Variants in AKT3 observed in about 807,000 individuals in gnomAD.
AKT3 encodes RAC-gamma serine/threonine-protein kinase.
Under a neutral mutation model 65.3 loss-of-function variants are expected in AKT3, and 15 were observed. That is an observed-to-expected ratio of 0.23 (90% CI 0.15 to 0.35). AKT3 has a LOEUF of 0.35. Among genes scored for constraint, AKT3 ranks in the 10% least tolerant of loss-of-function variants. AKT3 has a pLI of 1.00. For synonymous variants in AKT3, 206 were observed against 183.8 expected, an observed-to-expected ratio of 1.12 and a Z score of -0.98; for missense variants, 243 against 576.5, an observed-to-expected ratio of 0.42 and a Z score of 5.92.
At chr1:243,617,698 T>C (rs995641120) in intron 6 of AKT3, among the ~76,000 whole-genome samples, 1 of 151,962 alleles carries the variant, frequency 6.6e-6, no homozygotes, top group African/African-American at 2.4e-5. Flanking sequence ...GAGAAAGTGA[T>C]GGGGTGGGGG....
At position 243,542,546 on chromosome 1, in the gene AKT3, A is replaced by C. The variant is rs1335854519; in HGVS notation, c.1251+2964T>G. ...CCAATAATTATGTGATAATAAATTA[A>C]GAATAAATTTATCAAAACAATAAAA... On this transcript the variant is annotated intron_variant, in intron 12 of 13. Transcript: ENST00000673466. 3.9e-5 allele frequency among the ~76,000 whole-genome samples: 6 copies of C among 152,248 alleles called. No homozygotes were observed. In the East Asian group the frequency reaches 9.6e-4, roughly 24 times the overall value.
chr1:243,515,045 T>A (rs1256632735), intron 12 of AKT3, among the ~76,000 whole-genome samples: 1 of 152,234 alleles, frequency 6.6e-6, no homozygotes. Context: ...TGCAAATGGA[T>A]CATAGAGTAT....
chr1:243,602,100 A>C (rs1677050709), intron 8 of AKT3, among the ~76,000 whole-genome samples: 1 of 152,240 alleles, frequency 6.6e-6, no homozygotes, highest in African/African-American at 2.4e-5. Flanking sequence ...ATTTGTAAGC[A>C]AGCATGTTAC....
At chr1:243,724,525 T>G (rs1558755709) in intron 2 of AKT3, among the ~76,000 whole-genome samples, 1 of 152,158 alleles carries the variant, frequency 6.6e-6, no homozygotes, top group Non-Finnish European at 1.5e-5. Context: ...ATCTTAATGT[T>G]TATTTATTTC....
intron 12 of AKT3, among the ~76,000 whole-genome samples, chr1:243,514,834 A>C (rs1670248632): frequency 6.6e-6 from 1 of 152,180 alleles, no homozygotes; most frequent in South Asian, 2.1e-4. Context: ...CTCTCAAAAA[A>C]ACAAACAAAA....
chr1:243,703,066 A>G (rs1685566694), intron 2 of AKT3: 4 of 152,210 alleles, frequency 2.6e-5, no homozygotes, highest in Admixed American at 2.6e-4. Context: ...AACAGATACA[A>G]TGTTAATTTC....
chr1:243,501,235 G>A lies in AKT3; in HGVS notation c.*4014C>T, dbSNP rs925558493. On this transcript the variant is annotated 3_prime_UTR_variant, in exon 14 of 14. Transcript: ENST00000673466. ...AAGGCCCCATCCAGAATGATTCAAC[G>A]TGAAGTCAGACTGCAGTCCAGCCAT... 8 of 232,572 alleles carry A rather than the reference G, an allele frequency of 3.4e-5. No homozygotes were observed. The highest frequency in any genetic ancestry group is 1.1e-4 in the Admixed American group (2 of 17,764). 14.4% of individuals were successfully genotyped at this position (232,572 alleles called of 1,614,324 possible).
At chr1:243,780,782 G>A (rs1307581396) in intron 2 of AKT3, among the ~76,000 whole-genome samples, 1 of 151,572 alleles carries the variant, frequency 6.6e-6, no homozygotes, top group African/African-American at 2.4e-5. Flanking sequence ...CAGTAGATCT[G>A]GAATTATAAC....
chr1:243,741,592 A>G (rs1325596425), intron 2 of AKT3, among the ~76,000 whole-genome samples: 1 of 152,224 alleles, frequency 6.6e-6, no homozygotes, highest in African/African-American at 2.4e-5. Flanking sequence ...AGAGTGTTGC[A>G]TATTTTCATA....
At chr1:243,826,479 AG>A (rs906626437) in intron 2 of AKT3, among the ~76,000 whole-genome samples, 2 of 152,238 alleles carry the variant, frequency 1.3e-5, no homozygotes, top group Non-Finnish European at 2.9e-5. Context: ...GTTCTGGAAA[AG>A]TAAGTCTGAT....
chr1:243,539,873 G>A (rs1190169268), intron 12 of AKT3, among the ~76,000 whole-genome samples: 1 of 152,064 alleles, frequency 6.6e-6, no homozygotes, highest in Admixed American at 6.6e-5. Flanking sequence ...AAGACACAAA[G>A]AGCAAAATTC....
intron 3 of AKT3, among the ~76,000 whole-genome samples, chr1:243,668,481 C>T (rs947677748): frequency 6.6e-6 from 1 of 151,554 alleles, no homozygotes; most frequent in Non-Finnish European, 1.5e-5. Flanking sequence ...TCGGGAATAA[C>T]GTTGCAAAAG....
At chr1:243,752,529 T>C (rs1418834010) in intron 2 of AKT3, among the ~76,000 whole-genome samples, 2 of 152,238 alleles carry the variant, frequency 1.3e-5, no homozygotes. Flanking sequence ...TAAGCATTAA[T>C]CACTTGCCAA....
chr1:243,812,259 T>C (rs1693210496), intron 2 of AKT3, among the ~76,000 whole-genome samples: 1 of 152,150 alleles, frequency 6.6e-6, no homozygotes, highest in African/African-American at 2.4e-5. Context: ...CAGAAAATTT[T>C]TGCAATCTAC....
At chr1:243,753,590 C>T (rs1019404649) in intron 2 of AKT3, among the ~76,000 whole-genome samples, 3 of 152,186 alleles carry the variant, frequency 2.0e-5, no homozygotes, top group African/African-American at 7.2e-5. Flanking sequence ...GTATGTACAT[C>T]TGATAGTTGT....
intron 9 of AKT3, 49 bp downstream of exon 9, chr1:243,572,877 C>A (rs1674666495): frequency 6.5e-7 from 1 of 1,546,620 alleles, no homozygotes; most frequent in Non-Finnish European, 8.8e-7. Flanking sequence ...ATGTTTGTCC[C>A]TATAGTCTCT....
At chr1:243,682,803 G>T (rs1489802516) in intron 3 of AKT3, among the ~76,000 whole-genome samples, 2 of 152,116 alleles carry the variant, frequency 1.3e-5, no homozygotes, top group African/African-American at 4.8e-5. Flanking sequence ...TTGTTACCTG[G>T]AAAGTAACTT....
intron 7 of AKT3, among the ~76,000 whole-genome samples, chr1:243,614,643 T>A (rs376468851): frequency 1.3e-5 from 2 of 152,302 alleles, no homozygotes; most frequent in South Asian, 4.1e-4. Flanking sequence ...AGAAGTCTCA[T>A]TTCTATAAAA....
At chr1:243,642,477 T>C (rs542428659) in intron 5 of AKT3, among the ~76,000 whole-genome samples, 1 of 152,028 alleles carries the variant, frequency 6.6e-6, no homozygotes, top group East Asian at 1.9e-4. Context: ...GCCTGGTTAA[T>C]TTTTTGTATT....
Sources: allele counts gnomAD v4.1 joint callset (sites outside exome capture counted in the v4.1 genomes callset), GRCh38; gene constraint gnomAD v4.1.1; transcripts MANE v1.5; gene names NCBI Gene and HGNC (gene_info 2026-07-23, HGNC 2026-07-21).